Variants in PTPRS observed in about 807,000 individuals in gnomAD.
The protein encoded by PTPRS is protein tyrosine phosphatase receptor type S.
A neutral mutation model predicts 215.3 loss-of-function variants in PTPRS; 63 were observed. The ratio of observed to expected loss-of-function variants is 0.29; its 90% CI spans 0.24 to 0.36. PTPRS has a LOEUF of 0.36. Ranked by LOEUF, PTPRS falls within the 10% of genes least tolerant of loss-of-function variation. PTPRS has a pLI of 1.00. For missense variants in PTPRS, 2,258 were observed against 2,825.8 expected (o/e 0.80, Z 4.56); for synonymous variants, 1,404 against 1,191.4 (o/e 1.18, Z -3.68).
Position 5,212,462 on chromosome 19 carries a change from G to A in PTPRS, c.4644C>T (p.Arg1548=). The part of the protein sequence containing the change: ...KNGSSEKREV[R]QFQFTAWPDH... ...CCGGCCACGCCGTAAACTGGAACTG[G>A]CGGACCTCGCGTTTCTCACTGGAGC... The change falls in exon 31 of 38, where the codon CGC becomes CGT. Residue 1548 remains arginine, a synonymous_variant. Transcript: ENST00000262963. 6.3e-7 allele frequency: 1 copy of A among 1,597,664 alleles called. No homozygotes were observed. Among genetic ancestry groups the A allele is most frequent in the Admixed American group, 1.7e-5 (1 of 57,756 alleles).
intron 1 of PTPRS, among the ~76,000 whole-genome samples, chr19:5,323,444 A>G (rs1237937893): frequency 6.6e-6 from 1 of 152,220 alleles, no homozygotes; most frequent in Admixed American, 6.5e-5. Context: ...ACAGGAAACT[A>G]GGTGGTGGGG....
chr19:5,243,090 A>C (rs1326574857), intron 11 of PTPRS, among the ~76,000 whole-genome samples: 1 of 150,236 alleles, frequency 6.7e-6, no homozygotes, highest in Non-Finnish European at 1.5e-5. Flanking sequence ...AGTAGCTGGG[A>C]CTACAGGCAC....
chr19:5,254,097 A>G (rs1425713348), intron 9 of PTPRS, among the ~76,000 whole-genome samples: 1 of 152,196 alleles, frequency 6.6e-6, no homozygotes, highest in Non-Finnish European at 1.5e-5. Flanking sequence ...AGTGGTCTTC[A>G]GAGACCCTCT....
chr19:5,271,059 T>C (rs1026900805), intron 4 of PTPRS, among the ~76,000 whole-genome samples: 2 of 152,128 alleles, frequency 1.3e-5, no homozygotes, highest in South Asian at 2.1e-4. Context: ...CTCCCAGGGC[T>C]CCAAGCTGGT....
chr19:5,222,933 G>T lies in PTPRS; in HGVS notation c.2859C>A (p.Pro953=), dbSNP rs369479434. ...TGGCCCCGTTGCGCTCGGCGGGCAC[G>T]GGTGGCAGCCAGCGGAGAAGGACGG... ...AGTVLLRWLP[P]VPAERNGAIV... The change falls in exon 18 of 38, where the codon CCC becomes CCA. Residue 953 remains proline, a synonymous_variant. Transcript: ENST00000262963. 1.2e-5 allele frequency: 18 copies of T among 1,558,226 alleles called. No homozygotes were observed. In the Admixed American group the frequency reaches 3.0e-4, roughly 26 times the overall value.
chr19:5,286,862 G>C (rs1214332151), intron 1 of PTPRS, among the ~76,000 whole-genome samples: 4 of 151,886 alleles, frequency 2.6e-5, no homozygotes, highest in Non-Finnish European at 5.9e-5. Context: ...CTGAGGACCT[G>C]AGCCCCTGAC....
rs540233455 is a variant in PTPRS, at chr19:5,276,308, C to T, written c.92-1964G>A. ...TGCCATCTCGGCTCAATGCAACCTC[C>T]GCCTCCCAGGTTCAAGTGATTCTCC... On this transcript the variant is annotated intron_variant, in intron 2 of 37. Transcript: ENST00000262963. 1.7e-3 allele frequency among the ~76,000 whole-genome samples: 255 copies of T among 152,176 alleles called. 1 individual carries two copies. The highest frequency in any genetic ancestry group is 5.9e-3 in the African/African-American group (244 of 41,512).
chr19:5,321,580 C>G (rs2050025311), intron 1 of PTPRS, among the ~76,000 whole-genome samples: 1 of 152,194 alleles, frequency 6.6e-6, no homozygotes, highest in African/African-American at 2.4e-5. Flanking sequence ...GCTCGTGCCT[C>G]GTGAGTACCC....
chr19:5,304,274 G>C (rs977166416), intron 1 of PTPRS, among the ~76,000 whole-genome samples: 23 of 152,000 alleles, frequency 1.5e-4, no homozygotes, highest in African/African-American at 5.3e-4. Flanking sequence ...GACCAGCCTG[G>C]CCAACATGGT....
chr19:5,246,151 G>A, intron 9 of PTPRS, 106 bp from the exon 10 acceptor site: 1 of 573,618 alleles, frequency 1.7e-6, no homozygotes, highest in Non-Finnish European at 2.6e-6. Flanking sequence ...AAAGCAGGAA[G>A]GAAGAAAGAA....
intron 1 of PTPRS, among the ~76,000 whole-genome samples, chr19:5,330,012 A>G (rs55672705): frequency 0.044 from 6,306 of 144,484 alleles, 152 homozygotes; most frequent in South Asian, 0.099. Flanking sequence ...AGGAGGTGGA[A>G]GTTGCCGTGA....
At chr19:5,273,917 T>C (rs1275451165) in intron 3 of PTPRS, among the ~76,000 whole-genome samples, 2 of 152,132 alleles carry the variant, frequency 1.3e-5, no homozygotes. Context: ...GGGCGTGTAT[T>C]GAGAGTTGTA....
In PTPRS at chr19:5,223,007, G is replaced by A. The variant is rs61729778; in HGVS notation, c.2785C>T (p.Arg929Cys). ...EVLSIPEDTP[R>C]GHPQILEAAG... ...GCCTCCAGAATCTGCGGGTGGCCAC[G>A]GGGCGTGTCCTCCGGGATGCTCAGG... is the stretch of plus-strand genomic sequence containing the variant. The change falls in exon 18 of 38, where the codon CGT (arginine) becomes TGT (cysteine). Residue 929 changes from arginine (R) to cysteine (C), a missense_variant. By Grantham distance (180) the Arg-to-Cys change is radical (BLOSUM62 -3). Around this residue, in one of 6 missense-constraint regions of PTPRS, gnomAD observed 361 missense variants for 332.6 expected, o/e 1.09. Coordinates refer to ENST00000262963, the MANE Select transcript of PTPRS (RefSeq NM_002850.4). The A allele has an allele frequency of 0.034, 52,131 of 1,542,250 alleles. 1,101 individuals carry two copies. The highest frequency in any genetic ancestry group is 0.094 in the Middle Eastern group (555 of 5,920).
intron 1 of PTPRS, among the ~76,000 whole-genome samples, chr19:5,319,623 A>G (rs927718769): frequency 2.0e-5 from 3 of 151,540 alleles, no homozygotes; most frequent in Non-Finnish European, 2.9e-5. Context: ...AAGACCCTAC[A>G]TGACCTATTG....
At chr19:5,275,667 A>G (rs1054874337) in intron 2 of PTPRS, among the ~76,000 whole-genome samples, 1 of 152,070 alleles carries the variant, frequency 6.6e-6, no homozygotes, top group Non-Finnish European at 1.5e-5. Context: ...TTAGCCAGAC[A>G]TAGTGGTGGG....
At chr19:5,297,486 G>T (rs1389471672) in intron 1 of PTPRS, among the ~76,000 whole-genome samples, 1 of 152,174 alleles carries the variant, frequency 6.6e-6, no homozygotes, top group Non-Finnish European at 1.5e-5. Flanking sequence ...TCCTGCCCCT[G>T]TTGGGGGGCA....
intron 1 of PTPRS, among the ~76,000 whole-genome samples, chr19:5,316,252 A>G (rs926831526): frequency 2.0e-5 from 3 of 152,156 alleles, no homozygotes; most frequent in Non-Finnish European, 2.9e-5. Context: ...GGTTTTGAAC[A>G]CTTTTCTTTC....
In PTPRS at chr19:5,229,796, A is replaced by G. The variant is rs866431200; in HGVS notation, c.2156-112T>C. Reference sequence around the variant, plus strand: ...CAGGATGCCGAGTGGCTGCCGGTGAATAACTGGGCGCTCTTAGCGCTCACC... The same window carrying G: ...CAGGATGCCGAGTGGCTGCCGGTGAGTAACTGGGCGCTCTTAGCGCTCACC... On this transcript the variant is annotated intron_variant, in intron 14 of 37. Transcript: ENST00000262963. 2.1e-5 allele frequency: 13 copies of G among 622,116 alleles called. No homozygotes were observed. The Middle Eastern group carries it at 2.5e-3, about 122-fold the overall frequency. 38.5% of individuals were successfully genotyped at this position (622,116 alleles called of 1,614,324 possible). A position where few individuals can be genotyped will look rare whatever the true frequency, so the allele number is the denominator to read the frequency against.
rs762606601 is a variant in PTPRS, at chr19:5,210,245, A to C, written c.5487+224T>G. ...TCCTTGAATATCATCCCCTGGGGCC[A>C]TGTTCCCTAGTGAGTGGAGACACTG... On this transcript the variant is annotated intron_variant, in intron 35 of 37. Transcript: ENST00000262963. This position sits in a 1 kb window ranked among gnomAD's most constrained non-coding sequence, Gnocchi z 4.5. 6.6e-6 allele frequency among the ~76,000 whole-genome samples: 1 copy of C among 152,202 alleles called. No individual in the cohort carries two copies. Among genetic ancestry groups the C allele is most frequent in the Non-Finnish European group, 1.5e-5 (1 of 68,034 alleles).
Sources: allele counts gnomAD v4.1 joint callset (sites outside exome capture counted in the v4.1 genomes callset), GRCh38; gene constraint gnomAD v4.1.1; regional missense constraint gnomAD v4.1.1; non-coding constraint Gnocchi (gnomAD v3.1); transcripts MANE v1.5; gene names NCBI Gene and HGNC (gene_info 2026-07-23, HGNC 2026-07-21).